PRSS3: variants seen among roughly 807,000 people sequenced by gnomAD.
PRSS3 encodes the protein serine protease 3.
A neutral mutation model predicts 20.8 loss-of-function variants in PRSS3; 14 were observed. The observed-to-expected ratio is 0.67, with a 90% CI of 0.44 to 1.05. The LOEUF (loss-of-function observed/expected upper bound fraction) is 1.05. Ranked by LOEUF, PRSS3 falls within the 50% of genes least tolerant of loss-of-function variation. PRSS3 has a pLI of 0.00. For synonymous variants in PRSS3, 91 were observed against 117.6 expected (o/e 0.77, Z 1.46); for missense variants, 237 against 306.4 (o/e 0.77, Z 1.69).
chr9:33,753,649 C>A (rs1299012228), intron 1 of PRSS3, among the ~76,000 whole-genome samples: 1 of 152,214 alleles, frequency 6.6e-6, no homozygotes, highest in Non-Finnish European at 1.5e-5. Flanking sequence ...TAACTGTTCT[C>A]CTGGTTCCAT....
chr9:33,786,837 AG>A, intron 1 of PRSS3: 1 of 727,008 alleles, frequency 1.4e-6, no homozygotes, highest in Non-Finnish European at 2.5e-6. Context: ...GACACAGTGC[AG>A]GGCACAGATC....
chr9:33,759,062 C>A (rs536600524), intron 1 of PRSS3, among the ~76,000 whole-genome samples: 1 of 152,208 alleles, frequency 6.6e-6, no homozygotes, highest in Non-Finnish European at 1.5e-5. Flanking sequence ...AGGCTTCCTG[C>A]AGGAGATAAG....
chr9:33,754,646 A>G (rs1031622636), intron 1 of PRSS3, among the ~76,000 whole-genome samples: 2 of 151,968 alleles, frequency 1.3e-5, no homozygotes, highest in African/African-American at 4.8e-5. Flanking sequence ...CCTGGCCAAC[A>G]TGGTGAAACC....
Position 33,767,816 on chromosome 9 carries a change from C to A in PRSS3, c.-53+17089C>A, listed in dbSNP as rs559046512. 1.9e-4 allele frequency among the ~76,000 whole-genome samples: 29 copies of A among 151,386 alleles called. 1 individual carries two copies. The highest frequency in any genetic ancestry group is 1.7e-3 in the South Asian group (8 of 4,776). On this transcript the variant is annotated intron_variant, in intron 1 of 5. Coordinates refer to the PRSS3 transcript ENST00000342836. ...CTCCAGCCTGGGCAACAAGAGCGAACCTCTGTCTGAAAAAAAAAGGAACTT... is the reference window on the plus strand; with the variant it reads ...CTCCAGCCTGGGCAACAAGAGCGAAACTCTGTCTGAAAAAAAAAGGAACTT...
upstream of PRSS3, among the ~76,000 whole-genome samples, chr9:33,790,895 C>A (rs183674895): frequency 6.6e-6 from 1 of 152,242 alleles, no homozygotes; most frequent in Non-Finnish European, 1.5e-5. Flanking sequence ...GTGGATTTCC[C>A]TGGAGGAAAA....
At chr9:33,762,364 C>T (rs1823245138) in intron 1 of PRSS3, among the ~76,000 whole-genome samples, 1 of 152,136 alleles carries the variant, frequency 6.6e-6, no homozygotes, top group Non-Finnish European at 1.5e-5. Context: ...GCCCCTGAGC[C>T]CACTGTAGAG....
intron 1 of PRSS3, among the ~76,000 whole-genome samples, chr9:33,770,202 A>G (rs991953944): frequency 6.6e-6 from 1 of 152,044 alleles, no homozygotes; most frequent in African/African-American, 2.4e-5. Flanking sequence ...AGGACAGGAG[A>G]TCCATGACCA....
chr9:33,756,204 G>A (rs1269853821), intron 1 of PRSS3, among the ~76,000 whole-genome samples: 3 of 152,084 alleles, frequency 2.0e-5, no homozygotes, highest in Admixed American at 1.3e-4. Flanking sequence ...TTTCCTGTCC[G>A]AATTTTGAAA....
In PRSS3 at chr9:33,799,231, A is replaced by C; in HGVS notation, c.*51A>C. 1 of 1,596,082 alleles carries C rather than the reference A, an allele frequency of 6.3e-7. No homozygotes were observed. The highest frequency in any genetic ancestry group is 8.5e-7 in the Non-Finnish European group (1 of 1,169,980). ...ATACCAATAAAGTGGCCCTGCTCTC[A>C]CTCTGTGTCTGTGCCGGCTCCCTCA... On this transcript the variant is annotated 3_prime_UTR_variant, in exon 5 of 5. Transcript: ENST00000379405.
Position 33,795,595 on chromosome 9 carries a change from G to A in PRSS3, c.22G>A (p.Ala8Thr), listed in dbSNP as rs201140357. 1.2e-6 allele frequency: 2 copies of A among 1,614,216 alleles called. No homozygotes were observed. The highest frequency in any genetic ancestry group is 1.7e-6 in the Non-Finnish European group (2 of 1,180,046). The change falls in exon 1 of 5, where the codon GCC becomes ACC. Residue 8 changes from alanine (A) to threonine (T), a missense_variant. Physicochemically the swap from Ala to Thr is moderately conservative, Grantham distance 58. Transcript: ENST00000379405. MNPFLIL[A>T]FVGAAVAVPF... ...CACCATGAATCCATTCCTGATCCTT[G>A]CCTTTGTGGGAGCTGCTGGCGAGTT...
At chr9:33,754,303 C>T (rs1021622743) in intron 1 of PRSS3, among the ~76,000 whole-genome samples, 2 of 151,726 alleles carry the variant, frequency 1.3e-5, no homozygotes, top group African/African-American at 4.8e-5. Context: ...AACTCCTGAC[C>T]TTGTGATCTG....
Position 33,751,194 on chromosome 9 carries a change from G to C in PRSS3, c.-53+467G>C, listed in dbSNP as rs374058267. Among the ~76,000 whole-genome samples the C allele has an allele frequency of 8.5e-5, 13 of 152,342 alleles. No individual in the cohort carries two copies. The East Asian group carries it at 1.5e-3, about 18-fold the overall frequency. On this transcript the variant is annotated intron_variant, in intron 1 of 5. Coordinates refer to the PRSS3 transcript ENST00000342836. The stretch of plus-strand genomic sequence containing the variant: ...CCACCTGGCCCCTGAGCTGTGTCCA[G>C]TCACAGCTCACATAGCTCTGGGCAC...
At chr9:33,762,351 C>G (rs998102358) in intron 1 of PRSS3, among the ~76,000 whole-genome samples, 1 of 152,194 alleles carries the variant, frequency 6.6e-6, no homozygotes, top group South Asian at 2.1e-4. Flanking sequence ...TGGACCTCCT[C>G]AGGCCCCTGA....
chr9:33,766,640 A>G (rs1273470460), intron 1 of PRSS3, among the ~76,000 whole-genome samples: 1 of 152,164 alleles, frequency 6.6e-6, no homozygotes, highest in Non-Finnish European at 1.5e-5. Flanking sequence ...CCATGAATGA[A>G]TCTTGAAAAC....
At chr9:33,765,224 C>T (rs1017380978) in intron 1 of PRSS3, among the ~76,000 whole-genome samples, 1 of 152,080 alleles carries the variant, frequency 6.6e-6, no homozygotes, top group South Asian at 2.1e-4. Flanking sequence ...AGTGCCAAAC[C>T]TTATATACAC....
At chr9:33,778,433 A>AC (rs1705640424) in intron 1 of PRSS3, among the ~76,000 whole-genome samples, 2 of 152,292 alleles carry the variant, frequency 1.3e-5, no homozygotes, top group South Asian at 4.1e-4. Flanking sequence ...AGATGAAAGG[A>AC]CTACTTACAT....
chr9:33,794,775 A>G (rs1240532279), upstream of PRSS3: 1 of 1,550,626 alleles, frequency 6.4e-7, no homozygotes. Flanking sequence ...GGCTGCATAA[A>G]AAGAACCTAT....
In PRSS3 at chr9:33,796,795, T is replaced by A. The variant is rs1824973306; in HGVS notation, c.193T>A (p.Tyr65Asn). 4.3e-6 allele frequency: 7 copies of A among 1,613,882 alleles called. No individual in the cohort carries two copies. The South Asian group carries it at 7.7e-5, about 18-fold the overall frequency. ...GTGGGTGGTATCAGCAGCTCACTGC[T>A]ACAAGACGTAAGTGTGGGGCCCCTG... is the stretch of plus-strand genomic sequence containing the variant. ...EQWVVSAAHC[Y>N]KTRIQVRLGE... Residue 65 changes from tyrosine (Y) to asparagine (N), a missense_variant, in exon 2 of 5, where the codon TAC (tyrosine) becomes AAC (asparagine). By Grantham distance (143) the Tyr-to-Asn change is moderately radical. Transcript: ENST00000379405.
chr9:33,773,213 TGA>T (rs146480883), intron 1 of PRSS3, among the ~76,000 whole-genome samples: 9 of 148,820 alleles, frequency 6.0e-5, no homozygotes, highest in African/African-American at 1.2e-4. Flanking sequence ...TTATCTCAAA[TGA>T]GAGAGAGAGA....
Sources: gnomAD v4.1 joint callset for allele counts (sites outside exome capture counted in the v4.1 genomes callset) on GRCh38, gnomAD v4.1.1 for gene constraint, MANE v1.5 for transcripts, NCBI Gene and HGNC (gene_info 2026-07-23, HGNC 2026-07-21) for gene names.